Variants in EPB41L3 observed in about 807,000 individuals in gnomAD.
The protein encoded by EPB41L3 is band 4.1-like protein 3.
EPB41L3 carries 57 observed loss-of-function variants against 127.1 expected under a neutral mutation model. The ratio of observed to expected loss-of-function variants is 0.45; its 90% CI spans 0.36 to 0.56. The LOEUF (loss-of-function observed/expected upper bound fraction) is 0.56. Among genes scored for constraint, EPB41L3 ranks in the 20% least tolerant of loss-of-function variants. The probability of loss-of-function intolerance (pLI) is 0.00; values close to 1 mark genes in which losing one functional copy is unlikely to be tolerated. For synonymous variants in EPB41L3, 572 were observed against 549.5 expected (o/e 1.04, Z -0.57); for missense variants, 1,273 against 1,372.2 (o/e 0.93, Z 1.14).
chr18:5,494,226 C>A (rs192988815), intron 1 of EPB41L3, among the ~76,000 whole-genome samples: 57 of 152,280 alleles, frequency 3.7e-4, no homozygotes, highest in African/African-American at 1.3e-3. Flanking sequence ...CTGCTTGACT[C>A]CTGTCCTCCC....
intron 19 of EPB41L3, among the ~76,000 whole-genome samples, 175 bp from the exon 20 acceptor site, chr18:5,395,882 A>T (rs1464845905): frequency 6.6e-6 from 1 of 152,148 alleles, no homozygotes; most frequent in African/African-American, 2.4e-5. Flanking sequence ...ACCACAGGTA[A>T]CTGTCATTAA....
chr18:5,621,130 C>A (rs370066415), intron 1 of EPB41L3, among the ~76,000 whole-genome samples: 3 of 152,148 alleles, frequency 2.0e-5, no homozygotes, highest in African/African-American at 7.2e-5. Context: ...TGACTCTCTG[C>A]TGGGTGCTGG....
intron 3 of EPB41L3, chr18:5,577,628 G>A (rs1374031744): frequency 4.4e-6 from 1 of 225,388 alleles, no homozygotes; most frequent in African/African-American, 2.3e-5. Context: ...GGTTCCCAGT[G>A]TAGCTTCTCC....
At chr18:5,516,209 G>C (rs2092744395) in intron 1 of EPB41L3, among the ~76,000 whole-genome samples, 1 of 152,274 alleles carries the variant, frequency 6.6e-6, no homozygotes, top group South Asian at 2.1e-4. Context: ...GCTCCTCCTG[G>C]GTGGTTGACA....
chr18:5,497,897 C>A (rs937584272), intron 1 of EPB41L3, among the ~76,000 whole-genome samples: 1 of 152,194 alleles, frequency 6.6e-6, no homozygotes, highest in South Asian at 2.1e-4. Flanking sequence ...GACATCTGTA[C>A]TTACACATTT....
At chr18:5,484,247 C>T (rs112536037) in intron 2 of EPB41L3, among the ~76,000 whole-genome samples, 133 of 149,750 alleles carry the variant, frequency 8.9e-4, no homozygotes, top group Non-Finnish European at 1.5e-3. Flanking sequence ...GAATGACCAA[C>T]GAGTCAGTGA....
At chr18:5,587,515 T>C (rs891494434) in intron 3 of EPB41L3, among the ~76,000 whole-genome samples, 12 of 152,192 alleles carry the variant, frequency 7.9e-5, no homozygotes, top group Admixed American at 2.6e-4. Flanking sequence ...TTCAGTACTA[T>C]CTGAGGTTTC....
chr18:5,436,055 T>C (rs560319810), intron 6 of EPB41L3, among the ~76,000 whole-genome samples: 71 of 152,304 alleles, frequency 4.7e-4, no homozygotes, highest in Non-Finnish European at 8.1e-4. Flanking sequence ...CATAAAAATA[T>C]GTTGATTTGT....
upstream of EPB41L3, among the ~76,000 whole-genome samples, chr18:5,545,325 G>A (rs961283319): frequency 6.6e-6 from 1 of 152,174 alleles, no homozygotes; most frequent in South Asian, 2.1e-4. Flanking sequence ...GCTACTGGGT[G>A]CCAAAGACAA....
intron 1 of EPB41L3, among the ~76,000 whole-genome samples, chr18:5,491,981 A>AGCAATAACC (rs1400951035): frequency 6.6e-6 from 1 of 152,168 alleles, no homozygotes; most frequent in Non-Finnish European, 1.5e-5. Flanking sequence ...AATGTAAGCA[A>AGCAATAACC]GCAATAACCT....
chr18:5,617,008 C>T (rs1274737743), intron 1 of EPB41L3, among the ~76,000 whole-genome samples: 1 of 152,158 alleles, frequency 6.6e-6, no homozygotes, highest in South Asian at 2.1e-4. Context: ...CTGTGTTGGA[C>T]AGTATGCATA....
At position 5,595,437 on chromosome 18, in the gene EPB41L3, C is replaced by T. The variant is rs146750684; in HGVS notation, c.-306+16903G>A. Among the ~76,000 whole-genome samples, 1,340 of 152,254 alleles carry T rather than the reference C, an allele frequency of 8.8e-3. 14 individuals are homozygous for T. Among genetic ancestry groups the T allele is most frequent in the African/African-American group, 0.025 (1,038 of 41,538 alleles). ...TGTCTCCTGGACAGCCTTCCATTTT[C>T]CAGCCCCTTCTTATGCCATCCTCTC... On this transcript the variant is annotated intron_variant, in intron 3 of 21. Coordinates refer to the EPB41L3 transcript ENST00000545076.
intron 16 of EPB41L3, chr18:5,398,504 GA>G (rs1362390479): frequency 2.7e-5 from 11 of 401,776 alleles, no homozygotes; most frequent in Non-Finnish European, 3.5e-5. Context: ...ATTTAACCAT[GA>G]AAAAAAATTA....
chr18:5,496,307 G>A (rs2091171046), intron 1 of EPB41L3, among the ~76,000 whole-genome samples: 1 of 152,184 alleles, frequency 6.6e-6, no homozygotes, highest in Non-Finnish European at 1.5e-5. Context: ...GGTACCAAAT[G>A]CCAGCGCATA....
At chr18:5,535,969 C>A (rs1053951561) in intron 1 of EPB41L3, among the ~76,000 whole-genome samples, 4 of 152,124 alleles carry the variant, frequency 2.6e-5, no homozygotes, top group African/African-American at 9.7e-5. Context: ...CTATCCCAGA[C>A]CCTGGATATT....
chr18:5,531,799 G>T (rs182311645), intron 1 of EPB41L3, among the ~76,000 whole-genome samples: 409 of 151,486 alleles, frequency 2.7e-3, no homozygotes, highest in African/African-American at 9.4e-3. Context: ...TGCAAACTTT[G>T]GAACATGATT....
At chr18:5,514,118 A>G (rs911467279) in intron 1 of EPB41L3, among the ~76,000 whole-genome samples, 6 of 152,234 alleles carry the variant, frequency 3.9e-5, no homozygotes, top group African/African-American at 1.4e-4. Context: ...ACAGCAACAT[A>G]GCTGACATCA....
intron 1 of EPB41L3, among the ~76,000 whole-genome samples, chr18:5,527,825 T>C (rs2093281205): frequency 6.6e-6 from 1 of 152,146 alleles, no homozygotes; most frequent in African/African-American, 2.4e-5. Flanking sequence ...CATGACTCAG[T>C]TCAAGGTTCA....
intron 3 of EPB41L3, among the ~76,000 whole-genome samples, chr18:5,558,463 G>T (rs138519168): frequency 6.0e-4 from 91 of 152,296 alleles, no homozygotes; most frequent in Non-Finnish European, 1.1e-3. Context: ...ATGGGTGACA[G>T]ATAGGGACAT....
Sources: allele counts gnomAD v4.1 joint callset (sites outside exome capture counted in the v4.1 genomes callset), GRCh38; gene constraint gnomAD v4.1.1; transcripts MANE v1.5; gene names NCBI Gene and HGNC (gene_info 2026-07-23, HGNC 2026-07-21).